The following CCDC102B variants were observed in gnomAD, a reference collection of about 807,000 sequenced individuals.
CCDC102B encodes the protein coiled-coil domain containing 102B.
A neutral mutation model predicts 57.4 loss-of-function variants in CCDC102B; 75 were observed. That is an observed-to-expected ratio of 1.31 (90% CI 1.08 to 1.58). The LOEUF is 1.58. Among genes scored for constraint, CCDC102B ranks in the 40% most tolerant of loss-of-function variants. The pLI, the probability that CCDC102B is intolerant of heterozygous loss-of-function variation, is 0.00. For missense variants in CCDC102B, 636 were observed against 582.6 expected (o/e 1.09, Z -0.94); for synonymous variants, 206 against 201.9 (o/e 1.02, Z -0.17).
rs769319733 is a variant in CCDC102B, at chr18:68,811,557, G to A, written c.-16+13376G>A. 3.3e-5 allele frequency among the ~76,000 whole-genome samples: 5 copies of A among 152,300 alleles called. No homozygotes were observed. In the South Asian group the frequency reaches 1.0e-3, roughly 32 times the overall value. ...TTGAACCTGGGAGGCAGAGGTTGCA[G>A]TGAGCCAAGTTCTTGTCACTGCACT... On this transcript the variant is annotated intron_variant, in intron 1 of 7. Transcript: ENST00000360242.
At chr18:68,897,489 G>A (rs755844623) in intron 6 of CCDC102B, 61 bp downstream of exon 6, 109 of 1,578,230 alleles carry the variant, frequency 6.9e-5, no homozygotes, top group Non-Finnish European at 8.9e-5. Context: ...CCTACGCAGA[G>A]TCTGTCTTCA....
intron 6 of CCDC102B, among the ~76,000 whole-genome samples, chr18:68,942,172 A>AT (rs1322096701): frequency 1.3e-5 from 2 of 152,222 alleles, no homozygotes; most frequent in African/African-American, 2.4e-5. Context: ...GTAGAGACAG[A>AT]TTTTTCATAC....
intron 6 of CCDC102B, among the ~76,000 whole-genome samples, chr18:68,986,218 C>T (rs1424142138): frequency 6.6e-6 from 1 of 152,090 alleles, no homozygotes; most frequent in Non-Finnish European, 1.5e-5. Context: ...ACTTCAGGTC[C>T]AAAACCCCTG....
At chr18:68,724,577 A>G (rs2032506371) in intron 2 of CCDC102B, among the ~76,000 whole-genome samples, 1 of 152,190 alleles carries the variant, frequency 6.6e-6, no homozygotes, top group South Asian at 2.1e-4. Context: ...CATAGCAAGA[A>G]TTACCTTTAT....
At chr18:68,813,970 G>C (rs2036377931) in intron 1 of CCDC102B, among the ~76,000 whole-genome samples, 1 of 152,070 alleles carries the variant, frequency 6.6e-6, no homozygotes, top group East Asian at 1.9e-4. Flanking sequence ...ACTTGATATA[G>C]AAGATGATGA....
At chr18:68,735,968 G>A (rs1054834233) in intron 2 of CCDC102B, among the ~76,000 whole-genome samples, 2 of 152,148 alleles carry the variant, frequency 1.3e-5, no homozygotes, top group African/African-American at 4.8e-5. Flanking sequence ...AGGCTTGTCA[G>A]CAGCATTCTT....
intron 1 of CCDC102B, among the ~76,000 whole-genome samples, chr18:68,808,077 A>G (rs955741014): frequency 1.3e-5 from 2 of 152,178 alleles, no homozygotes; most frequent in Admixed American, 1.3e-4. Context: ...GTTTCATATT[A>G]TAGATGTAAC....
At position 69,053,977 on chromosome 18, in the gene CCDC102B, A is replaced by T. The variant is rs1489395207; in HGVS notation, c.1435-53A>T. Reference sequence around the variant, plus strand: ...GATGTTATTTACTATAGCCACCATGATGTACTATAGAACACTTGAACCTAA... The same window carrying T: ...GATGTTATTTACTATAGCCACCATGTTGTACTATAGAACACTTGAACCTAA... On this transcript the variant is annotated intron_variant, in intron 7 of 7. Coordinates refer to ENST00000360242, the MANE Select transcript of CCDC102B (RefSeq NM_024781.3). 3 of 1,367,196 alleles carry T rather than the reference A, an allele frequency of 2.2e-6. No individual in the cohort carries two copies. The African/African-American group carries it at 4.5e-5, about 20-fold the overall frequency. 84.7% of individuals were successfully genotyped at this position (1,367,196 alleles called of 1,614,324 possible). A position where few individuals can be genotyped will look rare whatever the true frequency, so the allele number is the denominator to read the frequency against.
intron 4 of CCDC102B, among the ~76,000 whole-genome samples, chr18:68,871,340 T>C (rs1467109709): frequency 6.6e-6 from 1 of 152,186 alleles, no homozygotes; most frequent in South Asian, 2.1e-4. Context: ...CAGCTGTGGA[T>C]GACATTCATA....
intron 4 of CCDC102B, among the ~76,000 whole-genome samples, chr18:68,850,593 G>A (rs1359541630): frequency 6.6e-6 from 1 of 152,106 alleles, no homozygotes; most frequent in Admixed American, 6.6e-5. Flanking sequence ...TGTTACGAGA[G>A]CAGCTGACCA....
intron 1 of CCDC102B, among the ~76,000 whole-genome samples, chr18:68,806,020 C>A (rs2036021941): frequency 6.6e-6 from 1 of 152,002 alleles, no homozygotes; most frequent in African/African-American, 2.4e-5. Context: ...CAAAGCAAGA[C>A]AAAGAAGCCT....
At chr18:69,036,804 G>C (rs748553082) in intron 7 of CCDC102B, among the ~76,000 whole-genome samples, 1 of 152,006 alleles carries the variant, frequency 6.6e-6, no homozygotes, top group African/African-American at 2.4e-5. Flanking sequence ...ATTAAATATG[G>C]TGTTTGGCCT....
At chr18:69,006,132 A>G (rs891061086) in intron 6 of CCDC102B, among the ~76,000 whole-genome samples, 1 of 152,114 alleles carries the variant, frequency 6.6e-6, no homozygotes, top group African/African-American at 2.4e-5. Flanking sequence ...TCAAATGCAA[A>G]CCACTAAATC....
intron 6 of CCDC102B, among the ~76,000 whole-genome samples, chr18:68,942,434 C>T (rs2049404544): frequency 1.3e-5 from 2 of 151,892 alleles, no homozygotes; most frequent in Non-Finnish European, 1.5e-5. Context: ...CTCTGAGTTC[C>T]CTCAGTATTT....
At chr18:68,768,107 A>G (rs1053005932) in intron 2 of CCDC102B, among the ~76,000 whole-genome samples, 3 of 152,232 alleles carry the variant, frequency 2.0e-5, no homozygotes, top group African/African-American at 7.2e-5. Context: ...ATAGCATTAC[A>G]AATCCATTCT....
At chr18:68,782,464 G>T (rs886759138) in intron 2 of CCDC102B, among the ~76,000 whole-genome samples, 1 of 152,068 alleles carries the variant, frequency 6.6e-6, no homozygotes, top group African/African-American at 2.4e-5. Flanking sequence ...AGGAAAGTAT[G>T]CCATGGAAAT....
At chr18:68,747,208 A>C (rs1208269891) in intron 2 of CCDC102B, among the ~76,000 whole-genome samples, 1 of 152,074 alleles carries the variant, frequency 6.6e-6, no homozygotes, top group Non-Finnish European at 1.5e-5. Context: ...TGTATCCATT[A>C]ACCATTCTTT....
chr18:68,913,405 G>A (rs569644518), intron 6 of CCDC102B, among the ~76,000 whole-genome samples: 1 of 150,936 alleles, frequency 6.6e-6, no homozygotes, highest in East Asian at 2.0e-4. Context: ...CCAGCACTTT[G>A]GGAGGCTGAG....
At chr18:68,874,118 A>G (rs1437199921) in intron 4 of CCDC102B, among the ~76,000 whole-genome samples, 2 of 150,724 alleles carry the variant, frequency 1.3e-5, no homozygotes, top group Admixed American at 1.3e-4. Flanking sequence ...ATTTATTGGC[A>G]GCTTTTATAG....
Sources: gnomAD v4.1 joint callset for allele counts (sites outside exome capture counted in the v4.1 genomes callset) on GRCh38, gnomAD v4.1.1 for gene constraint, MANE v1.5 for transcripts, NCBI Gene and HGNC (gene_info 2026-07-23, HGNC 2026-07-21) for gene names.